The following SYNJ2 variants were observed in gnomAD, a reference collection of about 807,000 sequenced individuals.
SYNJ2 encodes the protein polyphosphatidylinositol phosphatase SYNJ2.
SYNJ2 carries 116 observed loss-of-function variants against 141.3 expected under a neutral mutation model. The ratio of observed to expected loss-of-function variants is 0.82; its 90% confidence interval spans 0.71 to 0.96. SYNJ2 has a LOEUF of 0.96. Among genes scored for constraint, SYNJ2 ranks in the 40% least tolerant of loss-of-function variants. SYNJ2 has a pLI of 0.00. For synonymous variants in SYNJ2, 745 were observed against 777.7 expected, an observed-to-expected ratio of 0.96 and a Z score of 0.70; for missense variants, 1,873 against 1,934.8, an observed-to-expected ratio of 0.97 and a Z score of 0.60.
At chr6:158,039,423 G>A (rs574900033) in intron 4 of SYNJ2, among the ~76,000 whole-genome samples, 32 of 152,346 alleles carry the variant, frequency 2.1e-4, no homozygotes, top group Admixed American at 1.8e-3. Flanking sequence ...ATCGGGCTGC[G>A]TGGTCTGCAG....
At chr6:158,031,504 G>T (rs564851145) in intron 3 of SYNJ2, among the ~76,000 whole-genome samples, 1 of 152,240 alleles carries the variant, frequency 6.6e-6, no homozygotes, top group Non-Finnish European at 1.5e-5. Flanking sequence ...GCTGTAACAC[G>T]CCAGGGCGTG....
rs148858055 is a variant in SYNJ2 at position 158,064,975 on chromosome 6, C to T, written c.1509C>T (p.Asp503=). The T allele has an allele frequency of 1.4e-4, 220 of 1,586,758 alleles. 1 individual carries two copies. In the African/African-American group the frequency reaches 2.5e-3, roughly 18 times the overall value. ...CAGACAAAGGGGGCATGCTGCTGGA[C>T]AGCACGGCGCTCCTGGGTAGGGCCT... ...EVADKGGMLL[D]STALLVTPRI... The change falls in exon 11 of 27, where the codon GAC becomes GAT. Residue 503 remains aspartate, a synonymous_variant. Transcript: ENST00000355585.
chr6:158,003,805 C>T (rs943120880), intron 1 of SYNJ2, among the ~76,000 whole-genome samples: 1 of 152,008 alleles, frequency 6.6e-6, no homozygotes, highest in African/African-American at 2.4e-5. Flanking sequence ...GTCTGACCCA[C>T]GGAGCTCTGT....
At chr6:158,028,675 TG>T (rs1779189742) in intron 2 of SYNJ2, 80 bp from the exon 3 acceptor site, 1 of 1,552,392 alleles carries the variant, frequency 6.4e-7, no homozygotes. Flanking sequence ...CGGTTGAACC[TG>T]GGCTCCATTT....
chr6:158,049,225 T>C (rs1166974970), intron 5 of SYNJ2, among the ~76,000 whole-genome samples: 1 of 152,110 alleles, frequency 6.6e-6, no homozygotes, highest in East Asian at 1.9e-4. Flanking sequence ...TAGCTGGCCC[T>C]TTGCCCAGAG....
At chr6:158,067,816 C>A (rs757201100) in intron 12 of SYNJ2, 41 of 985,274 alleles carry the variant, frequency 4.2e-5, no homozygotes, top group Non-Finnish European at 4.8e-5. Context: ...CGGTGGTAGC[C>A]TGGGTTGCTG....
Position 158,096,348 on chromosome 6 carries a change from C to T in SYNJ2, c.4475C>T (p.Pro1492Leu), listed in dbSNP as rs373062041. Residue 1492 changes from proline to leucine, a missense_variant, in exon 27 of 27, where the codon CCA (proline) becomes CTA (leucine). By Grantham distance (98) the Pro-to-Leu change is moderately conservative. Coordinates refer to ENST00000355585, the MANE Select transcript of SYNJ2 (RefSeq NM_003898.4). Reference sequence around the variant, plus strand: ...AGGACAGCACTGCAGGTGTTTGACCCACTGGCAAAAACATGACTGAGCAGC... The same window carrying T: ...AGGACAGCACTGCAGGTGTTTGACCTACTGGCAAAAACATGACTGAGCAGC... The part of the protein sequence containing the change: ...EKRTALQVFD[P>L]LAKT 2.5e-6 allele frequency: 4 copies of T among 1,605,500 alleles called. No individual in the cohort carries two copies. Among genetic ancestry groups the T allele is most frequent in the Non-Finnish European group, 3.4e-6 (4 of 1,177,188 alleles).
intron 5 of SYNJ2, among the ~76,000 whole-genome samples, chr6:158,054,051 CATCCATCCACCCATT>C (rs1309154563): frequency 6.7e-6 from 1 of 149,712 alleles, no homozygotes; most frequent in Non-Finnish European, 1.5e-5. Context: ...TCCCCCCATT[CATCCATCCACCCATT>C]ATCCATCCAT....
At position 158,043,473 on chromosome 6, in the gene SYNJ2, G is replaced by T; in HGVS notation, c.795+74G>T. 8.9e-7 allele frequency: 1 copy of T among 1,122,182 alleles called. No individual in the cohort carries two copies. Among genetic ancestry groups the T allele is most frequent in the South Asian group, 1.3e-5 (1 of 75,952 alleles). The allele number at this position is 1,122,182 out of a possible 1,614,324, so 69.5% of individuals were successfully genotyped here. A position where few individuals can be genotyped will look rare whatever the true frequency, so the allele number is the denominator to read the frequency against. On this transcript the variant is annotated intron_variant, in intron 5 of 26. Coordinates refer to ENST00000355585, the MANE Select transcript of SYNJ2 (RefSeq NM_003898.4). The surrounding 1 kb of genome is among the most constrained non-coding windows in gnomAD (Gnocchi z 4.0). Reference sequence around the variant, plus strand: ...GCCCTTCCCTTCAATAGCTGGGGAAGATTTCTTTTAACACGTTCGTTTCAT... The same window carrying T: ...GCCCTTCCCTTCAATAGCTGGGGAATATTTCTTTTAACACGTTCGTTTCAT...
chr6:158,081,099 C>G lies in SYNJ2; in HGVS notation c.2568-10C>G. 6.2e-7 allele frequency: 1 copy of G among 1,613,068 alleles called. No homozygotes were observed. The highest frequency in any genetic ancestry group is 8.5e-7 in the Non-Finnish European group (1 of 1,179,778). ...GGCTAACTGTCATCCCTCTTTTGTT[C>G]CTAACGCAGACCTGTGCTGGCGATC... On this transcript the variant is annotated splice_polypyrimidine_tract_variant and intron_variant, in intron 18 of 26. Coordinates refer to ENST00000355585, the MANE Select transcript of SYNJ2 (RefSeq NM_003898.4).
At chr6:158,033,195 G>T (rs534262870) in intron 3 of SYNJ2, among the ~76,000 whole-genome samples, 1 of 152,316 alleles carries the variant, frequency 6.6e-6, no homozygotes, top group East Asian at 1.9e-4. Context: ...TGACGACCTG[G>T]TAGTGGCTTT....
chr6:158,089,900 C>A lies in SYNJ2; in HGVS notation c.3518C>A (p.Ala1173Asp), dbSNP rs1783325086. ...YNVKQIKTTN[A>D]QEAEAAIRCL... ...GTCAAGCAGATCAAAACCACCAATG[C>A]CCAGGAGGCAGAAGCAGCAATCCGG... Residue 1173 changes from alanine (A) to aspartate (D), a missense_variant, in exon 25 of 27, where the codon GCC becomes GAC. Ala to Asp is a moderately radical substitution (Grantham distance 126). Coordinates refer to ENST00000355585, the MANE Select transcript of SYNJ2 (RefSeq NM_003898.4). The A allele has an allele frequency of 6.2e-7, 1 of 1,613,966 alleles. No homozygotes were observed. The highest frequency in any genetic ancestry group is 1.3e-5 in the African/African-American group (1 of 74,904).
Position 158,070,506 on chromosome 6 carries a change from G to A in SYNJ2, c.1940+833G>A. The A allele has an allele frequency of 5.1e-6, 5 of 985,510 alleles. No individual in the cohort carries two copies. Among genetic ancestry groups the A allele is most frequent in the Non-Finnish European group, 6.0e-6 (5 of 830,026 alleles). 61.0% of individuals were successfully genotyped at this position (985,510 alleles called of 1,614,324 possible). A position where few individuals can be genotyped will look rare whatever the true frequency, so the allele number is the denominator to read the frequency against. On this transcript the variant is annotated intron_variant, in intron 14 of 26. Coordinates refer to ENST00000355585, the MANE Select transcript of SYNJ2 (RefSeq NM_003898.4). The surrounding 1 kb of genome is among the most constrained non-coding windows in gnomAD (Gnocchi z 4.0). ...GCAGTGTCCTAGGTTAGCAGGTGAA[G>A]GTTAGTAAAGGTTAAAGGCAAGGGC... is the stretch of plus-strand genomic sequence containing the variant.
At chr6:158,030,938 T>C (rs917908617) in intron 3 of SYNJ2, 2 of 152,218 alleles carry the variant, frequency 1.3e-5, no homozygotes, top group African/African-American at 4.8e-5. Context: ...GTGAATCTCA[T>C]GCTGATCTCA....
chr6:158,096,454 C>T lies in SYNJ2; in HGVS notation c.*90C>T. The T allele has an allele frequency of 4.2e-6, 6 of 1,427,806 alleles. No homozygotes were observed. Among genetic ancestry groups the T allele is most frequent in the Non-Finnish European group, 4.7e-6 (5 of 1,073,508 alleles). The allele number at this position is 1,427,806 out of a possible 1,614,324, so 88.4% of individuals were successfully genotyped here. On this transcript the variant is annotated 3_prime_UTR_variant, in exon 27 of 27. Transcript: ENST00000355585. ...ACCAGAAGAGACATCTATTTAAAGG[C>T]ACACTGGCCAAAACGTTTGTGCATC...
chr6:158,088,495 G>A (rs995313906), intron 23 of SYNJ2, among the ~76,000 whole-genome samples, 165 bp from the exon 24 acceptor site: 5 of 152,128 alleles, frequency 3.3e-5, no homozygotes, highest in African/African-American at 1.2e-4. Context: ...AGAGAGTCAA[G>A]GAAGGCCTGG....
At chr6:158,055,891 A>G (rs1177173680) in intron 6 of SYNJ2, among the ~76,000 whole-genome samples, 1 of 152,212 alleles carries the variant, frequency 6.6e-6, no homozygotes, top group Non-Finnish European at 1.5e-5. Flanking sequence ...AGACAAGACC[A>G]TTGCCTTTTC....
Position 158,040,505 on chromosome 6 carries a change from A to G in SYNJ2, c.712-2811A>G, listed in dbSNP as rs1399038255. Among the ~76,000 whole-genome samples the G allele has an allele frequency of 2.0e-5, 3 of 151,822 alleles. No homozygotes were observed. Among genetic ancestry groups the G allele is most frequent in the African/African-American group, 7.3e-5 (3 of 41,152 alleles). On this transcript the variant is annotated intron_variant, in intron 4 of 26. Transcript: ENST00000355585. The surrounding 1 kb of genome is among the most constrained non-coding windows in gnomAD (Gnocchi z 4.2). ...CAGTGCTGACTCACCACACAGAAAA[A>G]CAAGACCAAAAAGTCCCCTCAGTCT...
intron 3 of SYNJ2, among the ~76,000 whole-genome samples, chr6:158,030,188 A>G (rs1460147408): frequency 1.3e-5 from 2 of 152,250 alleles, no homozygotes; most frequent in African/African-American, 2.4e-5. Context: ...CTTTCTGGAC[A>G]TAATGCTGTT....
Sources: gnomAD v4.1 joint callset for allele counts (sites outside exome capture counted in the v4.1 genomes callset) on GRCh38, gnomAD v4.1.1 for gene constraint, Gnocchi (gnomAD v3.1) non-coding constraint, MANE v1.5 for transcripts, NCBI Gene and HGNC (gene_info 2026-07-23, HGNC 2026-07-21) for gene names.